NBEAL1: variants seen among roughly 807,000 people sequenced by gnomAD.
The protein encoded by NBEAL1 is neurobeachin-like protein 1.
In NBEAL1, 273 loss-of-function variants were observed where a neutral mutation model predicts 351.3. The observed-to-expected ratio is 0.78, with a 90% CI of 0.70 to 0.86. The LOEUF (loss-of-function observed/expected upper bound fraction) is 0.86, where lower values mean the gene tolerates loss of function less well. NBEAL1 is among the 40% of genes least tolerant of loss of function. The probability of loss-of-function intolerance (pLI) is 0.00; values close to 1 mark genes in which losing one functional copy is unlikely to be tolerated. For missense variants in NBEAL1, 2,961 were observed against 3,201.3 expected, an observed-to-expected ratio of 0.92 and a Z score of 1.81; for synonymous variants, 1,050 against 1,086.4, an observed-to-expected ratio of 0.97 and a Z score of 0.66.
intron 33 of NBEAL1, 90 bp from the exon 34 acceptor site, chr2:203,148,901 T>G: frequency 3.4e-6 from 4 of 1,177,158 alleles, no homozygotes; most frequent in East Asian, 5.4e-5. Context: ...CAAGATTTTA[T>G]TGGTCAAAAA....
In NBEAL1 at chr2:203,144,996, T is replaced by A. The variant is rs773357709; in HGVS notation, c.5155-15T>A. ...TATATTAAATTTTATGTATCTTTTT[T>A]ATTTTTTTGGTAAGATTGTACCTTA... On this transcript the variant is annotated splice_polypyrimidine_tract_variant and intron_variant, in intron 32 of 55. Transcript: ENST00000683969. The A allele has an allele frequency of 1.2e-5, 19 of 1,527,164 alleles. 1 individual carries two copies. Among genetic ancestry groups the A allele is most frequent in the South Asian group, 1.0e-4 (8 of 78,240 alleles). 94.6% of individuals were successfully genotyped at this position (1,527,164 alleles called of 1,614,324 possible).
intron 2 of NBEAL1, among the ~76,000 whole-genome samples, chr2:203,022,389 A>T (rs541870345): frequency 7.2e-5 from 11 of 152,110 alleles, no homozygotes. Context: ...AAAATTTTTT[A>T]TTTTATTTTA....
In NBEAL1 at chr2:203,221,761, G is replaced by T. The variant is rs145013225; in HGVS notation, c.*4407G>T. Among the ~76,000 whole-genome samples the T allele has an allele frequency of 2.3e-3, 350 of 152,262 alleles. 1 individual carries two copies. The highest frequency in any genetic ancestry group is 7.8e-3 in the African/African-American group (326 of 41,562). ...TGTTTTAAACTTGACTCCATCCAGA[G>T]CATTGTTCTATAGAGTTTTCCTGTA... On this transcript the variant is annotated 3_prime_UTR_variant, in exon 56 of 56. Coordinates refer to ENST00000683969, the MANE Select transcript of NBEAL1 (RefSeq NM_001378026.1).
At chr2:203,105,825 C>T (rs1384999791) in intron 12 of NBEAL1, among the ~76,000 whole-genome samples, 1 of 152,150 alleles carries the variant, frequency 6.6e-6, no homozygotes, top group Non-Finnish European at 1.5e-5. Flanking sequence ...AAGAATGGGA[C>T]ATGAGCACTG....
intron 44 of NBEAL1, 35 bp downstream of exon 44, chr2:203,183,423 A>G (rs987364566): frequency 1.7e-6 from 2 of 1,195,248 alleles, no homozygotes. Context: ...TGACAGAATA[A>G]TAAGATAAAA....
chr2:203,164,262 T>C (rs1031844716), intron 36 of NBEAL1, among the ~76,000 whole-genome samples: 14 of 152,080 alleles, frequency 9.2e-5, no homozygotes, highest in Middle Eastern at 3.4e-3. Context: ...AAAATATATA[T>C]ATATTACAAA....
At chr2:203,023,338 A>C (rs760528002) in intron 2 of NBEAL1, among the ~76,000 whole-genome samples, 20 of 152,232 alleles carry the variant, frequency 1.3e-4, no homozygotes, top group Non-Finnish European at 2.5e-4. Flanking sequence ...TCTAAAGAAA[A>C]GAAAACAAAA....
chr2:203,022,709 T>C (rs1335415408), intron 2 of NBEAL1, among the ~76,000 whole-genome samples: 1 of 152,212 alleles, frequency 6.6e-6, no homozygotes, highest in Non-Finnish European at 1.5e-5. Flanking sequence ...TTTGCCCTTG[T>C]ATTAATATAA....
chr2:203,138,275 A>G lies in NBEAL1; in HGVS notation c.4679A>G (p.Gln1560Arg). 5.6e-6 allele frequency: 9 copies of G among 1,614,036 alleles called. No homozygotes were observed. Among genetic ancestry groups the G allele is most frequent in the Non-Finnish European group, 7.6e-6 (9 of 1,179,950 alleles). The change falls in exon 30 of 56, where the codon CAG (glutamine) becomes CGG (arginine). Residue 1560 changes from glutamine (Q) to arginine (R), a missense_variant. Gln to Arg is a conservative substitution (Grantham distance 43). Transcript: ENST00000683969. ...GTGCTGATCATACAGGACTTTCTTC[A>G]GTCAGAGGGACTAGTTAATTCAAAC... Reference protein sequence around the residue: ...RLVLIIQDFLQSEGLVNSNMW... With the variant: ...RLVLIIQDFLRSEGLVNSNMW...
At position 203,144,881 on chromosome 2, in the gene NBEAL1, A is replaced by G. The variant is rs755445628; in HGVS notation, c.5130A>G (p.Glu1710=). The change falls in exon 32 of 56, where the codon GAA becomes GAG. Residue 1710 remains glutamate, a synonymous_variant. Coordinates refer to ENST00000683969, the MANE Select transcript of NBEAL1 (RefSeq NM_001378026.1). ...TTCAAGAATATTGTAATTCAAATGA[A>G]TGGCAAGTTTACATTGAAAAATATG... ...EDFQEYCNSN[E]WQVYIEKYIV... is the part of the protein sequence containing the mutation. The G allele has an allele frequency of 1.4e-5, 22 of 1,599,910 alleles. No homozygotes were observed. Among genetic ancestry groups the G allele is most frequent in the Admixed American group, 8.7e-5 (5 of 57,282 alleles).
intron 18 of NBEAL1, 116 bp downstream of exon 18, chr2:203,116,186 A>T (rs1210739714): frequency 1.4e-6 from 1 of 710,904 alleles, no homozygotes; most frequent in Non-Finnish European, 2.4e-6. Flanking sequence ...TTGAATTGCC[A>T]TCAAAATAAT....
rs1559393459 is a variant in NBEAL1 at position 203,135,927 on chromosome 2, CG to C, written c.4066del (p.Asp1356IlefsTer11). On this transcript the variant is annotated frameshift_variant, in exon 28 of 56. Coordinates refer to ENST00000683969, the MANE Select transcript of NBEAL1 (RefSeq NM_001378026.1). LOFTEE classifies it high-confidence loss of function. Reference sequence around the variant, plus strand: ...TCTTTTGCCTCAGCTAATGTGTCTTCGGATCAGTGGAGTTTGGAGGATAGAC... The same window carrying C: ...TCTTTTGCCTCAGCTAATGTGTCTTCGATCAGTGGAGTTTGGAGGATAGAC... ...ITSFASANVS[S>X]DQWSLEDRHS... 1 of 1,614,026 alleles carries C rather than the reference CG, an allele frequency of 6.2e-7. No homozygotes were observed. The highest frequency in any genetic ancestry group is 8.5e-7 in the Non-Finnish European group (1 of 1,180,012).
chr2:203,078,915 A>G (rs2061825124), intron 8 of NBEAL1, among the ~76,000 whole-genome samples: 1 of 152,208 alleles, frequency 6.6e-6, no homozygotes, highest in South Asian at 2.1e-4. Context: ...CTTCTTTATA[A>G]TACATTAAAC....
At chr2:203,149,732 C>A (rs1207440296) in intron 34 of NBEAL1, among the ~76,000 whole-genome samples, 1 of 152,054 alleles carries the variant, frequency 6.6e-6, no homozygotes. Flanking sequence ...TCCTTATTAT[C>A]CTCTGTCCCA....
At chr2:203,191,808 G>A (rs958498442) in intron 46 of NBEAL1, among the ~76,000 whole-genome samples, 2 of 152,150 alleles carry the variant, frequency 1.3e-5, no homozygotes, top group South Asian at 4.1e-4. Flanking sequence ...CTCTGAATGA[G>A]TAGTTGTAAG....
chr2:203,100,780 G>T (rs113957198), intron 12 of NBEAL1, among the ~76,000 whole-genome samples: 3 of 151,936 alleles, frequency 2.0e-5, no homozygotes, highest in African/African-American at 7.2e-5. Flanking sequence ...ACTCCCAACC[G>T]CAGGTGATCC....
chr2:203,150,794 C>T (rs1434944455), intron 34 of NBEAL1, among the ~76,000 whole-genome samples: 2 of 152,080 alleles, frequency 1.3e-5, no homozygotes, highest in Admixed American at 1.3e-4. Context: ...GAAATATCAA[C>T]CATCTGTATA....
chr2:203,053,796 G>C (rs565344264), intron 4 of NBEAL1, among the ~76,000 whole-genome samples: 3 of 152,122 alleles, frequency 2.0e-5, no homozygotes, highest in East Asian at 3.9e-4. Flanking sequence ...GGGATTACAG[G>C]CATGAGCCAC....
intron 18 of NBEAL1, among the ~76,000 whole-genome samples, chr2:203,121,623 G>A (rs2062833291): frequency 1.3e-5 from 2 of 148,932 alleles, no homozygotes; most frequent in Admixed American, 1.3e-4. Context: ...CTGCACTCTA[G>A]CCTGGGTGAC....
Sources: gnomAD v4.1 joint callset for allele counts (sites outside exome capture counted in the v4.1 genomes callset) on GRCh38, gnomAD v4.1.1 for gene constraint, MANE v1.5 for transcripts, NCBI Gene and HGNC (gene_info 2026-07-23, HGNC 2026-07-21) for gene names.